Variants in HECTD2 observed in about 807,000 individuals in gnomAD.
HECTD2 encodes probable E3 ubiquitin-protein ligase HECTD2.
Under a neutral mutation model 103.2 loss-of-function variants are expected in HECTD2, and 35 were observed. That is an observed-to-expected ratio of 0.34 (90% CI 0.26 to 0.45). HECTD2 has a LOEUF of 0.45. HECTD2 is among the 20% of genes least tolerant of loss of function. HECTD2 has a pLI of 1.00. For missense variants in HECTD2, 596 were observed against 937.4 expected (o/e 0.64, Z 4.76); for synonymous variants, 281 against 329.9 (o/e 0.85, Z 1.61).
At chr10:91,476,995 A>G (rs188310874) in intron 5 of HECTD2, among the ~76,000 whole-genome samples, 1 of 151,448 alleles carries the variant, frequency 6.6e-6, no homozygotes, top group African/African-American at 2.4e-5. Flanking sequence ...CCTGGCTAAC[A>G]AGGTGAAACC....
intron 5 of HECTD2, chr10:91,463,322 A>C (rs938189591): frequency 3.0e-4 from 46 of 152,266 alleles, no homozygotes; most frequent in African/African-American, 1.1e-3. Flanking sequence ...TATTAAGTGG[A>C]AGTGGACTAT....
intron 5 of HECTD2, 133 bp downstream of exon 5, chr10:91,462,317 G>A (rs1845384572): frequency 8.7e-7 from 1 of 1,149,976 alleles, no homozygotes; most frequent in Non-Finnish European, 1.1e-6. Flanking sequence ...AAATGTAGCT[G>A]GAATTCTCAT....
chr10:91,498,308 C>T (rs1361583828), intron 16 of HECTD2, 126 bp downstream of exon 16: 5 of 642,868 alleles, frequency 7.8e-6, no homozygotes, highest in Non-Finnish European at 1.4e-5. Flanking sequence ...AATCCTCTGT[C>T]TTAAAGGACC....
chr10:91,438,182 A>G (rs1045247124), intron 2 of HECTD2, among the ~76,000 whole-genome samples: 14 of 151,884 alleles, frequency 9.2e-5, no homozygotes, highest in African/African-American at 3.4e-4. Context: ...GCCTGCACCC[A>G]TCAACCCGTC....
At chr10:91,498,348 G>A (rs2133342771) in intron 16 of HECTD2, among the ~76,000 whole-genome samples, 166 bp downstream of exon 16, 1 of 150,916 alleles carries the variant, frequency 6.6e-6, no homozygotes, top group East Asian at 1.9e-4. Context: ...ATGTGTAGAT[G>A]AGCAGTCAAT....
chr10:91,509,488 C>T (rs1245195459), intron 20 of HECTD2, among the ~76,000 whole-genome samples: 1 of 152,000 alleles, frequency 6.6e-6, no homozygotes, highest in Admixed American at 6.6e-5. Context: ...ATTATTCTGT[C>T]ATAAAGACAC....
intron 7 of HECTD2, 80 bp downstream of exon 7, chr10:91,481,219 T>G: frequency 1.6e-6 from 1 of 629,844 alleles, no homozygotes; most frequent in Non-Finnish European, 2.6e-6. Context: ...ATATTAAATA[T>G]TAAATATCAT....
chr10:91,409,735 C>G (rs796586003), upstream of HECTD2, among the ~76,000 whole-genome samples: 1 of 152,156 alleles, frequency 6.6e-6, no homozygotes, highest in South Asian at 2.1e-4. Context: ...TCTCCCCGGG[C>G]TGCGCAAGCT....
At chr10:91,416,209 CTGTTTA>C (rs1843120665) in intron 1 of HECTD2, among the ~76,000 whole-genome samples, 1 of 152,178 alleles carries the variant, frequency 6.6e-6, no homozygotes, top group Non-Finnish European at 1.5e-5. Flanking sequence ...TTCTGCTTTG[CTGTTTA>C]TAACTCTCCA....
intron 1 of HECTD2, among the ~76,000 whole-genome samples, chr10:91,411,355 TA>T (rs897524002): frequency 8.6e-4 from 131 of 151,636 alleles, no homozygotes; most frequent in African/African-American, 3.1e-3. Flanking sequence ...AAGCACAATT[TA>T]AAAAAAAACC....
At chr10:91,427,696 TTTG>T (rs1215935859) in intron 2 of HECTD2, among the ~76,000 whole-genome samples, 1 of 152,156 alleles carries the variant, frequency 6.6e-6, no homozygotes, top group Non-Finnish European at 1.5e-5. Context: ...GATGGGGTTG[TTTG>T]TTTTTTTCTT....
chr10:91,414,143 AAGAGAGGTTCTACATGG>A (rs1368690775), intron 1 of HECTD2, among the ~76,000 whole-genome samples: 1 of 152,178 alleles, frequency 6.6e-6, no homozygotes, highest in Non-Finnish European at 1.5e-5. Flanking sequence ...GTGAACAGAA[AAGAGAGGTTCTACATGG>A]GGTAGAACCC....
chr10:91,477,490 G>A (rs1345307523), intron 5 of HECTD2, among the ~76,000 whole-genome samples: 2 of 152,180 alleles, frequency 1.3e-5, no homozygotes, highest in South Asian at 2.1e-4. Flanking sequence ...GTTGAGCAGG[G>A]ATACTCTCTG....
chr10:91,497,870 A>G (rs983444903), intron 15 of HECTD2, among the ~76,000 whole-genome samples: 5 of 152,218 alleles, frequency 3.3e-5, no homozygotes, highest in African/African-American at 4.8e-5. Flanking sequence ...TTGCTGCTTA[A>G]GAGTAGACCC....
At chr10:91,499,349 C>T (rs1371403417) in intron 18 of HECTD2, among the ~76,000 whole-genome samples, 199 bp downstream of exon 18, 1 of 152,132 alleles carries the variant, frequency 6.6e-6, no homozygotes, top group African/African-American at 2.4e-5. Flanking sequence ...CCAGTCAGTT[C>T]ATTTTCTCTC....
At chr10:91,416,993 C>T (rs1437620223) in intron 1 of HECTD2, among the ~76,000 whole-genome samples, 1 of 152,090 alleles carries the variant, frequency 6.6e-6, no homozygotes, top group East Asian at 1.9e-4. Flanking sequence ...ATACTATTGC[C>T]AGAGTAGCAA....
At chr10:91,506,882 A>T (rs1271048168) in intron 20 of HECTD2, among the ~76,000 whole-genome samples, 2 of 148,202 alleles carry the variant, frequency 1.3e-5, no homozygotes. Flanking sequence ...TCAATAAAAT[A>T]CTGGCAAAAC....
chr10:91,471,505 A>T (rs146185708), intron 5 of HECTD2, among the ~76,000 whole-genome samples: 5 of 152,312 alleles, frequency 3.3e-5, no homozygotes, highest in Middle Eastern at 3.4e-3. Flanking sequence ...GAAGGCACCA[A>T]AATAGGACGA....
chr10:91,470,178 A>G (rs118108658), intron 5 of HECTD2, among the ~76,000 whole-genome samples: 3 of 152,330 alleles, frequency 2.0e-5, no homozygotes, highest in Non-Finnish European at 4.4e-5. Context: ...ACTAACAAAG[A>G]TACATGGGAC....
Sources: allele counts gnomAD v4.1 joint callset (sites outside exome capture counted in the v4.1 genomes callset), GRCh38; gene constraint gnomAD v4.1.1; transcripts MANE v1.5; gene names NCBI Gene and HGNC (gene_info 2026-07-23, HGNC 2026-07-21).